Variants in PITPNC1 observed in about 807,000 individuals in gnomAD.
The protein encoded by PITPNC1 is phosphatidylinositol transfer protein cytoplasmic 1.
A neutral mutation model predicts 44.7 loss-of-function variants in PITPNC1; 18 were observed. The observed-to-expected ratio is 0.40, with a 90% CI of 0.28 to 0.60. The LOEUF (loss-of-function observed/expected upper bound fraction) is 0.60. Ranked by LOEUF, PITPNC1 falls within the 20% of genes least tolerant of loss-of-function variation. PITPNC1 has a pLI of 0.39. For synonymous variants in PITPNC1, 141 were observed against 149.6 expected (o/e 0.94, Z 0.42); for missense variants, 290 against 418.4 (o/e 0.69, Z 2.68).
chr17:67,681,417 A>C (rs1246115637), intron 8 of PITPNC1, among the ~76,000 whole-genome samples: 2 of 152,022 alleles, frequency 1.3e-5, no homozygotes, highest in Non-Finnish European at 2.9e-5. Context: ...GTTTGAGACC[A>C]GCCCTGGCAA....
At chr17:67,663,398 G>A (rs937159432) in intron 6 of PITPNC1, among the ~76,000 whole-genome samples, 6 of 151,858 alleles carry the variant, frequency 4.0e-5, no homozygotes, top group African/African-American at 1.5e-4. Context: ...TGAAACCCCC[G>A]TCTCTCCTAA....
At chr17:67,464,542 T>G (rs1259861683) in intron 1 of PITPNC1, among the ~76,000 whole-genome samples, 2 of 152,106 alleles carry the variant, frequency 1.3e-5, no homozygotes, top group Non-Finnish European at 2.9e-5. Context: ...GAATGGTAAA[T>G]TGGAATTGGA....
chr17:67,397,876 G>A (rs967852683), intron 1 of PITPNC1, among the ~76,000 whole-genome samples: 1 of 152,122 alleles, frequency 6.6e-6, no homozygotes, highest in Non-Finnish European at 1.5e-5. Flanking sequence ...GGCCGATCAC[G>A]AGGTCAGGAA....
chr17:67,577,456 A>G (rs1978734), intron 4 of PITPNC1, among the ~76,000 whole-genome samples: 23,682 of 151,512 alleles, frequency 0.16, 4,513 homozygotes, highest in African/African-American at 0.46. Flanking sequence ...GGCTACACGG[A>G]AGGCTAAGGC....
intron 1 of PITPNC1, among the ~76,000 whole-genome samples, chr17:67,436,774 A>G (rs1423902050): frequency 6.6e-6 from 1 of 151,952 alleles, no homozygotes. Context: ...GACTCATTCC[A>G]TGGCCTTTTC....
intron 1 of PITPNC1, among the ~76,000 whole-genome samples, chr17:67,462,942 T>A (rs903411779): frequency 1.3e-5 from 2 of 152,148 alleles, no homozygotes; most frequent in African/African-American, 4.8e-5. Context: ...CGTCAGTTGA[T>A]CCACCCACTT....
intron 4 of PITPNC1, among the ~76,000 whole-genome samples, chr17:67,554,193 T>G (rs1176230628): frequency 6.6e-6 from 1 of 152,060 alleles, no homozygotes; most frequent in Non-Finnish European, 1.5e-5. Flanking sequence ...GTATTTTCAT[T>G]TAGATCATTT....
At chr17:67,440,901 C>T (rs1376718363) in intron 1 of PITPNC1, among the ~76,000 whole-genome samples, 2 of 151,886 alleles carry the variant, frequency 1.3e-5, no homozygotes, top group African/African-American at 4.8e-5. Flanking sequence ...GCACTGGGAA[C>T]ATTATGACAC....
chr17:67,556,390 A>G (rs1046774708), intron 4 of PITPNC1, among the ~76,000 whole-genome samples: 1 of 152,224 alleles, frequency 6.6e-6, no homozygotes, highest in Non-Finnish European at 1.5e-5. Context: ...AACAGTAAAT[A>G]ATATTTAGTA....
At chr17:67,577,409 G>A (rs2041164382) in intron 4 of PITPNC1, among the ~76,000 whole-genome samples, 1 of 152,024 alleles carries the variant, frequency 6.6e-6, no homozygotes, top group South Asian at 2.1e-4. Context: ...CTAACATGGA[G>A]AAACCCTATC....
chr17:67,513,132 G>C (rs1161189919), intron 1 of PITPNC1, among the ~76,000 whole-genome samples: 1 of 152,130 alleles, frequency 6.6e-6, no homozygotes, highest in Admixed American at 6.5e-5. Context: ...GGGAGGCCGA[G>C]GCAGATGGAT....
intron 1 of PITPNC1, among the ~76,000 whole-genome samples, chr17:67,509,111 G>A (rs897406878): frequency 2.0e-5 from 3 of 151,962 alleles, no homozygotes; most frequent in Admixed American, 6.6e-5. Context: ...GTGCACGCCT[G>A]TAATCCCAGC....
chr17:67,391,458 G>A (rs2038138218), intron 1 of PITPNC1, among the ~76,000 whole-genome samples: 1 of 151,936 alleles, frequency 6.6e-6, no homozygotes, highest in Non-Finnish European at 1.5e-5. Flanking sequence ...TTTTTATGTT[G>A]AAAATAACTA....
chr17:67,602,210 T>C (rs950827566), intron 5 of PITPNC1, among the ~76,000 whole-genome samples: 1 of 152,096 alleles, frequency 6.6e-6, no homozygotes, highest in African/African-American at 2.4e-5. Flanking sequence ...CAGCAAAGTA[T>C]GGAAAAATTG....
intron 5 of PITPNC1, among the ~76,000 whole-genome samples, chr17:67,598,963 G>A (rs1412689673): frequency 7.4e-6 from 1 of 134,726 alleles, no homozygotes; most frequent in Non-Finnish European, 1.6e-5. Context: ...AATCTGCCTC[G>A]ATCTTGGACT....
At chr17:67,394,428 T>C (rs1365649961) in intron 1 of PITPNC1, among the ~76,000 whole-genome samples, 3 of 152,208 alleles carry the variant, frequency 2.0e-5, no homozygotes, top group Non-Finnish European at 2.9e-5. Flanking sequence ...TCAGATTGGA[T>C]TGAAACTCTG....
chr17:67,447,169 A>G (rs2039110244), intron 1 of PITPNC1, among the ~76,000 whole-genome samples: 1 of 151,260 alleles, frequency 6.6e-6, no homozygotes, highest in African/African-American at 2.4e-5. Flanking sequence ...AAGCTAAGGA[A>G]TCGGAGAGTG....
chr17:67,378,247 G>A (rs1412089756), intron 1 of PITPNC1, 45 bp downstream of exon 1: 5 of 1,317,120 alleles, frequency 3.8e-6, no homozygotes, highest in Admixed American at 6.3e-5. Context: ...CGGGACCCCC[G>A]CCGCTACCGC....
At chr17:67,405,645 G>A (rs1026380490) in intron 1 of PITPNC1, among the ~76,000 whole-genome samples, 3 of 146,046 alleles carry the variant, frequency 2.1e-5, no homozygotes, top group Non-Finnish European at 3.0e-5. Context: ...TCGCTCTGTC[G>A]CCCAGGCTGG....
Sources: allele counts gnomAD v4.1 joint callset (sites outside exome capture counted in the v4.1 genomes callset), GRCh38; gene constraint gnomAD v4.1.1; transcripts MANE v1.5; gene names NCBI Gene and HGNC (gene_info 2026-07-23, HGNC 2026-07-21).